SPON2: variants seen among roughly 807,000 people sequenced by gnomAD.
The protein encoded by SPON2 is spondin 2, also known as spondin-2.
In SPON2, 32 loss-of-function variants were observed where a neutral mutation model predicts 29.9. The observed-to-expected ratio is 1.07, with a 90% CI of 0.81 to 1.44. The LOEUF (loss-of-function observed/expected upper bound fraction) is 1.44, where lower values mean the gene tolerates loss of function less well. SPON2 is among the 40% of genes most tolerant of loss of function. The pLI is 0.00. For synonymous variants in SPON2, 248 were observed against 209.1 expected, an observed-to-expected ratio of 1.19 and a Z score of -1.61; for missense variants, 541 against 455.5, an observed-to-expected ratio of 1.19 and a Z score of -1.71.
At chr4:1,176,386 C>G (rs546739710), upstream of SPON2, among the ~76,000 whole-genome samples, 1 of 152,308 alleles carries the variant, frequency 6.6e-6, no homozygotes, top group East Asian at 1.9e-4. Context: ...ACAGTACATT[C>G]ATTCATTCAC....
At chr4:1,201,129 A>G (rs1728193149) in intron 1 of SPON2, 1 of 455,466 alleles carries the variant, frequency 2.2e-6, no homozygotes, top group African/African-American at 2.0e-5. Flanking sequence ...GGTCACCCAC[A>G]GCCAGCGGGA....
At chr4:1,195,601 G>A (rs577999716), upstream of SPON2, among the ~76,000 whole-genome samples, 7 of 152,318 alleles carry the variant, frequency 4.6e-5, no homozygotes, top group African/African-American at 1.7e-4. Flanking sequence ...AGCAAGCAGG[G>A]CTGGAGGGTG....
intron 1 of SPON2, among the ~76,000 whole-genome samples, chr4:1,183,174 G>A (rs1727729677): frequency 6.6e-6 from 1 of 151,234 alleles, no homozygotes; most frequent in South Asian, 2.1e-4. Context: ...CACGGGAGGT[G>A]GAGGTTGCAG....
At chr4:1,198,019 G>A (rs1248556033), upstream of SPON2, among the ~76,000 whole-genome samples, 1 of 146,932 alleles carries the variant, frequency 6.8e-6, no homozygotes, top group Non-Finnish European at 1.5e-5. Flanking sequence ...CTGCACTCCA[G>A]CCTGGGTGAT....
intron 1 of SPON2, among the ~76,000 whole-genome samples, chr4:1,203,961 C>G (rs1011564922): frequency 3.9e-5 from 6 of 152,134 alleles, no homozygotes; most frequent in Non-Finnish European, 7.4e-5. Context: ...ACCTCTGCCT[C>G]CCAGGTTCAA....
At chr4:1,195,064 C>CG (rs1475761281) in exon 1 of SPON2, 6 of 105,018 alleles carry the variant, frequency 5.7e-5, no homozygotes, top group Admixed American at 2.0e-4. Flanking sequence ...CCGCAGCCGG[C>CG]GTCTCCAACC....
chr4:1,174,848 A>G (rs375954962), upstream of SPON2, among the ~76,000 whole-genome samples: 39 of 152,346 alleles, frequency 2.6e-4, no homozygotes, highest in African/African-American at 8.7e-4. Context: ...TGTTGGTTGA[A>G]GTCTATGAAG....
upstream of SPON2, among the ~76,000 whole-genome samples, chr4:1,174,514 A>C (rs1355133756): frequency 6.6e-6 from 1 of 151,762 alleles, no homozygotes; most frequent in Non-Finnish European, 1.5e-5. Context: ...AAAAAAACAA[A>C]AAACAAAAAC....
Position 1,202,243 on chromosome 4 carries a change from G to A in SPON2, c.-234+5637C>T, listed in dbSNP as rs1015415641. 6.6e-6 allele frequency among the ~76,000 whole-genome samples: 1 copy of A among 152,208 alleles called. No individual in the cohort carries two copies. The highest frequency in any genetic ancestry group is 2.4e-5 in the African/African-American group (1 of 41,452). ...TTGCACGTCGCATCCTCACCGGCTG[G>A]AGGGTGGGTCTGCCCCACAAGCCCT... On this transcript the variant is annotated intron_variant, in intron 1 of 3. Coordinates refer to the SPON2 transcript ENST00000509233. The surrounding 1 kb of genome is among the most constrained non-coding windows in gnomAD (Gnocchi z 5.4).
At chr4:1,179,602 A>C (rs1727670138) in intron 1 of SPON2, 1 of 152,232 alleles carries the variant, frequency 6.6e-6, no homozygotes, top group Non-Finnish European at 1.5e-5. Flanking sequence ...GGCGTGCAGC[A>C]ATCTATGTAG....
rs562763862 is a variant in SPON2, at chr4:1,202,416, A to C, written c.-234+5464T>G. On this transcript the variant is annotated intron_variant, in intron 1 of 3. Transcript: ENST00000509233. The surrounding 1 kb of genome is among the most constrained non-coding windows in gnomAD (Gnocchi z 5.4). ...CGTTCCAACCACGGCACTGCACGCC[A>C]GGCCCAGTACTCACCGCTCTCACAT... is the stretch of plus-strand genomic sequence containing the variant. Among the ~76,000 whole-genome samples, 1 of 152,366 alleles carries C rather than the reference A, an allele frequency of 6.6e-6. No individual in the cohort carries two copies. Among genetic ancestry groups the C allele is most frequent in the Non-Finnish European group, 1.5e-5 (1 of 68,032 alleles).
intron 5 of SPON2, among the ~76,000 whole-genome samples, chr4:1,168,525 G>A (rs1727320569): frequency 6.6e-6 from 1 of 152,252 alleles, no homozygotes; most frequent in African/African-American, 2.4e-5. Context: ...GCCCTCTCCA[G>A]AGATGCAGGA....
rs1180497660 is a variant in SPON2 at position 1,172,077 on chromosome 4, G to A, written c.-3-3C>T. 6.2e-7 allele frequency: 1 copy of A among 1,609,992 alleles called. No individual in the cohort carries two copies. The highest frequency in any genetic ancestry group is 1.7e-5 in the Admixed American group (1 of 59,946). The stretch of plus-strand genomic sequence containing the variant: ...GCCGGGCTGGGGTTTTCCATCACCT[G>A]GGAGCACAGAGGGGAGCAGCCGCGC... On this transcript the variant is annotated splice_region_variant and splice_polypyrimidine_tract_variant and intron_variant, in intron 1 of 5. Coordinates refer to ENST00000290902, the MANE Select transcript of SPON2 (RefSeq NM_012445.4).
intron 1 of SPON2, among the ~76,000 whole-genome samples, chr4:1,194,547 C>T (rs1344491285): frequency 6.6e-6 from 1 of 152,170 alleles, no homozygotes; most frequent in Non-Finnish European, 1.5e-5. Flanking sequence ...CACAGCTTAG[C>T]TTCTTCCTGG....
upstream of SPON2, chr4:1,200,044 C>A (rs900030): frequency 6.6e-6 from 1 of 152,100 alleles, no homozygotes; most frequent in African/African-American, 2.4e-5. Context: ...AAACGGCGCA[C>A]GGCCTAGGAA....
chr4:1,192,695 T>C (rs1727937117), intron 1 of SPON2, among the ~76,000 whole-genome samples: 1 of 152,146 alleles, frequency 6.6e-6, no homozygotes, highest in Non-Finnish European at 1.5e-5. Flanking sequence ...GCCTGGATTC[T>C]AGGAAGGCTT....
chr4:1,171,403 C>T lies in SPON2; in HGVS notation c.304G>A (p.Glu102Lys), dbSNP rs779956803. The T allele has an allele frequency of 2.1e-5, 34 of 1,612,208 alleles. No homozygotes were observed. The highest frequency in any genetic ancestry group is 2.9e-5 in the Non-Finnish European group (34 of 1,179,802). The change falls in exon 3 of 6, where the codon GAG becomes AAG. Residue 102 changes from glutamate (E) to lysine (K), a missense_variant. Transcript: ENST00000290902. The stretch of plus-strand genomic sequence containing the variant: ...ATCTCCTTCATCAGCGCCCAGGCCT[C>T]GCCGCGCTCCGCAAAGTCGCGCAGC... ...NGLRDFAERGEAWALMKEIEA... is the reference protein window; with the variant it reads ...NGLRDFAERGKAWALMKEIEA...
rs116513318 is a variant in SPON2 at position 1,203,726 on chromosome 4, C to T, written c.-234+4154G>A. Among the ~76,000 whole-genome samples, 159 of 152,276 alleles carry T rather than the reference C, an allele frequency of 1.0e-3. 1 individual carries two copies. The highest frequency in any genetic ancestry group is 3.6e-3 in the African/African-American group (149 of 41,546). On this transcript the variant is annotated intron_variant, in intron 1 of 3. Coordinates refer to the SPON2 transcript ENST00000509233. The stretch of plus-strand genomic sequence containing the variant: ...TCCGCCCTGACACCTATGATGCTTT[C>T]GGTTCCAGCCATCCCAGTGGGTGTG...
chr4:1,176,661 A>G (rs556007092), upstream of SPON2, among the ~76,000 whole-genome samples: 1 of 152,140 alleles, frequency 6.6e-6, no homozygotes, highest in South Asian at 2.1e-4. Flanking sequence ...TAATTCACTC[A>G]CACAGTACAT....
Sources: allele counts gnomAD v4.1 joint callset (sites outside exome capture counted in the v4.1 genomes callset), GRCh38; gene constraint gnomAD v4.1.1; non-coding constraint Gnocchi (gnomAD v3.1); transcripts MANE v1.5; gene names NCBI Gene and HGNC (gene_info 2026-07-23, HGNC 2026-07-21).